Variants in KHDRBS2 observed in about 807,000 individuals in gnomAD.
The protein encoded by KHDRBS2 is KH domain-containing, RNA-binding, signal transduction-associated protein 2.
In KHDRBS2, 26 loss-of-function variants were observed where a neutral mutation model predicts 44.3. The observed-to-expected ratio is 0.59, with a 90% CI of 0.43 to 0.81. KHDRBS2 has a LOEUF of 0.81. KHDRBS2 is among the 40% of genes least tolerant of loss of function. The pLI, the probability that KHDRBS2 is intolerant of heterozygous loss-of-function variation, is 0.00. For synonymous variants in KHDRBS2, 194 were observed against 151.1 expected (o/e 1.28, Z -2.08); for missense variants, 476 against 433.1 (o/e 1.10, Z -0.88).
At chr6:61,625,561 G>T in the KHDRBS2 span, among the ~76,000 whole-genome samples, 2 of 151,922 alleles carry the variant, frequency 1.3e-5, no homozygotes. Flanking sequence ...ACAGCAGAGC[G>T]ACTAGGGCCA....
At chr6:62,079,911 T>C (rs532143415) in intron 2 of KHDRBS2, among the ~76,000 whole-genome samples, 1 of 152,176 alleles carries the variant, frequency 6.6e-6, no homozygotes, top group Admixed American at 6.6e-5. Flanking sequence ...AATTAATGCC[T>C]ACAGACATTC....
chr6:61,680,403 A>T lies in KHDRBS2; in HGVS notation c.*560T>A, dbSNP rs141984169. On this transcript the variant is annotated 3_prime_UTR_variant, in exon 9 of 9. Transcript: ENST00000281156. Reference sequence around the variant, plus strand: ...TGAACAAATTCAGTTAGCTACATACATACAGTAGCTGCTTGTTTTCAACCC... The same window carrying T: ...TGAACAAATTCAGTTAGCTACATACTTACAGTAGCTGCTTGTTTTCAACCC... The T allele has an allele frequency of 6.6e-5, 10 of 152,326 alleles. No homozygotes were observed. Among genetic ancestry groups the T allele is most frequent in the African/African-American group, 2.4e-4 (10 of 41,522 alleles). 9.4% of individuals were successfully genotyped at this position (152,326 alleles called of 1,614,324 possible). A position where few individuals can be genotyped will look rare whatever the true frequency, so the allele number is the denominator to read the frequency against.
intron 7 of KHDRBS2, among the ~76,000 whole-genome samples, chr6:61,720,025 G>T (rs1461326825): frequency 6.6e-6 from 1 of 151,824 alleles, no homozygotes; most frequent in Non-Finnish European, 1.5e-5. Flanking sequence ...GAGAATATGC[G>T]GTGTTTGGTT....
intron 2 of KHDRBS2, among the ~76,000 whole-genome samples, chr6:62,099,401 G>A (rs1477091900): frequency 6.6e-6 from 1 of 152,086 alleles, no homozygotes; most frequent in Non-Finnish European, 1.5e-5. Flanking sequence ...TTAGTATGTT[G>A]CCACTTTTTC....
At chr6:61,867,203 C>G (rs1347280334) in intron 6 of KHDRBS2, among the ~76,000 whole-genome samples, 1 of 152,166 alleles carries the variant, frequency 6.6e-6, no homozygotes, top group East Asian at 1.9e-4. Flanking sequence ...CCAGGGGAGG[C>G]CTCATAATCA....
intron 6 of KHDRBS2, among the ~76,000 whole-genome samples, chr6:61,817,492 A>G (rs1470692597): frequency 6.6e-6 from 1 of 152,124 alleles, no homozygotes; most frequent in East Asian, 1.9e-4. Context: ...TTCCTTTGCT[A>G]TAAGAAAAAT....
intron 6 of KHDRBS2, among the ~76,000 whole-genome samples, chr6:61,862,918 T>C (rs534631934): frequency 5.1e-4 from 77 of 151,814 alleles, no homozygotes; most frequent in South Asian, 2.1e-3. Context: ...TTTGTCCCTC[T>C]GGCAATATTC....
chr6:61,851,495 T>C (rs774375263), intron 6 of KHDRBS2, among the ~76,000 whole-genome samples: 8 of 152,076 alleles, frequency 5.3e-5, no homozygotes, highest in East Asian at 1.9e-4. Context: ...TGAGGTCATA[T>C]GGATGGGCCC....
chr6:62,023,471 C>A (rs529035744), intron 3 of KHDRBS2, among the ~76,000 whole-genome samples: 1 of 151,656 alleles, frequency 6.6e-6, no homozygotes, highest in East Asian at 1.9e-4. Context: ...TTAACATTTT[C>A]TCTTTTCTAG....
intron 7 of KHDRBS2, among the ~76,000 whole-genome samples, chr6:61,729,827 A>C (rs1254764434): frequency 6.6e-6 from 1 of 152,136 alleles, no homozygotes; most frequent in Non-Finnish European, 1.5e-5. Context: ...CAGTTTTTGC[A>C]TATTTTGGAT....
chr6:61,979,707 G>A (rs901042675), intron 3 of KHDRBS2, among the ~76,000 whole-genome samples: 1 of 152,082 alleles, frequency 6.6e-6, no homozygotes, highest in African/African-American at 2.4e-5. Context: ...TTTTCTTAGT[G>A]CCCAATTATC....
At chr6:61,797,125 T>G (rs1054968475) in intron 6 of KHDRBS2, among the ~76,000 whole-genome samples, 1 of 152,054 alleles carries the variant, frequency 6.6e-6, no homozygotes. Flanking sequence ...TAAATACCCC[T>G]GAGGAACCTA....
intron 6 of KHDRBS2, among the ~76,000 whole-genome samples, chr6:61,782,329 C>G (rs996001997): frequency 2.0e-5 from 3 of 151,976 alleles, no homozygotes; most frequent in Non-Finnish European, 2.9e-5. Context: ...TTAAGATCAA[C>G]CAACTCATTC....
chr6:61,954,094 C>G (rs1428110102), intron 4 of KHDRBS2, among the ~76,000 whole-genome samples: 2 of 152,226 alleles, frequency 1.3e-5, no homozygotes, highest in East Asian at 1.9e-4. Context: ...GAGGGAGGCT[C>G]CACAGGCATC....
At chr6:61,608,682 T>A in the KHDRBS2 span, among the ~76,000 whole-genome samples, 2 of 149,934 alleles carry the variant, frequency 1.3e-5, no homozygotes, top group African/African-American at 4.9e-5. Context: ...AGTGAGAACA[T>A]GCAGTGTTTG....
chr6:62,165,601 T>G (rs538151503), intron 2 of KHDRBS2, among the ~76,000 whole-genome samples: 1 of 152,066 alleles, frequency 6.6e-6, no homozygotes, highest in South Asian at 2.1e-4. Context: ...TGCTGATAGA[T>G]GTGTGCTACT....
intron 2 of KHDRBS2, among the ~76,000 whole-genome samples, chr6:62,090,896 G>A (rs1799374916): frequency 6.6e-6 from 1 of 152,120 alleles, no homozygotes; most frequent in African/African-American, 2.4e-5. Context: ...GTGTCACAGG[G>A]AATATGGACC....
At chr6:61,991,447 G>A (rs1198919254) in intron 3 of KHDRBS2, among the ~76,000 whole-genome samples, 1 of 152,118 alleles carries the variant, frequency 6.6e-6, no homozygotes, top group Non-Finnish European at 1.5e-5. Context: ...CATGCTTTGA[G>A]TTTGGAATAG....
At chr6:61,673,266 G>A in the KHDRBS2 span, among the ~76,000 whole-genome samples, 1 of 151,984 alleles carries the variant, frequency 6.6e-6, no homozygotes, top group Non-Finnish European at 1.5e-5. Context: ...AGTATAGTTT[G>A]AAGTCAGATA....
Sources: allele counts gnomAD v4.1 joint callset (sites outside exome capture counted in the v4.1 genomes callset), GRCh38; gene constraint gnomAD v4.1.1; transcripts MANE v1.5; gene names NCBI Gene and HGNC (gene_info 2026-07-23, HGNC 2026-07-21).